The following USP13 variants were observed in gnomAD, a reference collection of about 807,000 sequenced individuals.
The protein encoded by USP13 is ubiquitin specific peptidase 13.
A neutral mutation model predicts 107.8 loss-of-function variants in USP13; 68 were observed. The observed-to-expected ratio is 0.63, with a 90% CI of 0.52 to 0.77. The LOEUF (loss-of-function observed/expected upper bound fraction) is 0.77, where lower values mean the gene tolerates loss of function less well. Among genes scored for constraint, USP13 ranks in the 30% least tolerant of loss-of-function variants. The pLI, the probability that USP13 is intolerant of heterozygous loss-of-function variation, is 0.00. For missense variants in USP13, 945 were observed against 1,093.3 expected (o/e 0.86, Z 1.91); for synonymous variants, 377 against 389.5 (o/e 0.97, Z 0.38).
intron 5 of USP13, among the ~76,000 whole-genome samples, chr3:179,707,351 G>A (rs996666083): frequency 2.0e-5 from 3 of 152,088 alleles, no homozygotes; most frequent in Admixed American, 2.0e-4. Flanking sequence ...GCTGAAGCCA[G>A]TTATGCCAGT....
chr3:179,716,263 T>C (rs1245918069), intron 6 of USP13, among the ~76,000 whole-genome samples: 1 of 152,146 alleles, frequency 6.6e-6, no homozygotes, highest in African/African-American at 2.4e-5. Context: ...AGGTACATCC[T>C]TACCTCTCTC....
At chr3:179,726,001 T>C (rs962569168) in intron 8 of USP13, among the ~76,000 whole-genome samples, 1 of 152,146 alleles carries the variant, frequency 6.6e-6, no homozygotes, top group African/African-American at 2.4e-5. Context: ...AAGATGAGAT[T>C]TGGGTGGGGA....
At chr3:179,676,200 C>T (rs970468271) in intron 1 of USP13, among the ~76,000 whole-genome samples, 1 of 152,194 alleles carries the variant, frequency 6.6e-6, no homozygotes, top group African/African-American at 2.4e-5. Flanking sequence ...GAGGCCTTCC[C>T]AGCCATGCGG....
Position 179,691,261 on chromosome 3 carries a change from G to A in USP13, c.355+960G>A, listed in dbSNP as rs1020514837. 6.0e-5 allele frequency among the ~76,000 whole-genome samples: 9 copies of A among 151,232 alleles called. No homozygotes were observed. The East Asian group carries it at 7.7e-4, about 13-fold the overall frequency. On this transcript the variant is annotated intron_variant, in intron 3 of 20. Transcript: ENST00000263966. ...ATTCAGATTTCATAATTTTTCTCCC[G>A]CTCATGTCCTTTCTTTGTTACAAGA...
At chr3:179,762,803 A>G (rs1429867733) in intron 17 of USP13, among the ~76,000 whole-genome samples, 2 of 152,186 alleles carry the variant, frequency 1.3e-5, no homozygotes, top group Non-Finnish European at 2.9e-5. Context: ...TTTAATTTTG[A>G]GGAACGACCA....
chr3:179,686,320 A>G (rs193139147), intron 2 of USP13, among the ~76,000 whole-genome samples: 2 of 152,304 alleles, frequency 1.3e-5, no homozygotes, highest in Admixed American at 6.5e-5. Flanking sequence ...AGTGGCTCAC[A>G]CCTGTCATCC....
At chr3:179,664,252 C>G (rs182567329) in intron 1 of USP13, among the ~76,000 whole-genome samples, 1 of 151,678 alleles carries the variant, frequency 6.6e-6, no homozygotes, top group Non-Finnish European at 1.5e-5. Flanking sequence ...CCACCATGCC[C>G]GGATATTTTT....
chr3:179,701,197 A>ATG (rs1250344423), intron 4 of USP13, 68 bp downstream of exon 4: 3 of 341,396 alleles, frequency 8.8e-6, no homozygotes, highest in Non-Finnish European at 1.5e-5. Flanking sequence ...TGCGTGTGCG[A>ATG]TGTGTGTGTG....
intron 19 of USP13, among the ~76,000 whole-genome samples, chr3:179,776,391 T>C (rs1289054671): frequency 6.6e-6 from 1 of 152,182 alleles, no homozygotes; most frequent in Non-Finnish European, 1.5e-5. Flanking sequence ...CCACCTCTTT[T>C]ACCTTCCAAG....
At chr3:179,654,448 G>T (rs1720192436) in intron 1 of USP13, among the ~76,000 whole-genome samples, 2 of 152,148 alleles carry the variant, frequency 1.3e-5, no homozygotes, top group African/African-American at 2.4e-5. Flanking sequence ...CACCCGGGGC[G>T]GTTGGTGGTG....
In USP13 at chr3:179,752,379, TATC is replaced by T. The variant is rs1232649395; in HGVS notation, c.1798+7_1798+9del. On this transcript the variant is annotated splice_region_variant and intron_variant, in intron 14 of 20. Transcript: ENST00000263966. ...CTGGGTTCCCAAAAAATTTGGTAGG[TATC>T]TTTTGCGTGCTTTTGCTTAAAACAT... The T allele has an allele frequency of 1.2e-6, 2 of 1,609,158 alleles. No homozygotes were observed. The highest frequency in any genetic ancestry group is 2.7e-5 in the African/African-American group (2 of 74,818).
intron 1 of USP13, among the ~76,000 whole-genome samples, chr3:179,677,674 T>C (rs757258545): frequency 6.6e-6 from 1 of 152,238 alleles, no homozygotes; most frequent in Admixed American, 6.5e-5. Flanking sequence ...CTATGATTAC[T>C]TAAGAAACTA....
At chr3:179,709,155 G>A (rs868210021) in intron 6 of USP13, among the ~76,000 whole-genome samples, 198 bp downstream of exon 6, 1 of 152,200 alleles carries the variant, frequency 6.6e-6, no homozygotes. Flanking sequence ...CTCATCTTGA[G>A]GATAACGATG....
chr3:179,676,475 A>G (rs148986389), intron 1 of USP13, among the ~76,000 whole-genome samples: 69 of 152,312 alleles, frequency 4.5e-4, no homozygotes, highest in African/African-American at 1.6e-3. Context: ...CTGTGAGTCA[A>G]GAAGCTTAGC....
At chr3:179,748,350 T>C (rs145723600) in intron 13 of USP13, among the ~76,000 whole-genome samples, 108 of 152,344 alleles carry the variant, frequency 7.1e-4, no homozygotes, top group African/African-American at 2.4e-3. Flanking sequence ...AATATTAGTT[T>C]TGAGAAAACC....
chr3:179,716,303 G>A (rs1713112173), intron 6 of USP13, among the ~76,000 whole-genome samples: 1 of 152,162 alleles, frequency 6.6e-6, no homozygotes, highest in Non-Finnish European at 1.5e-5. Context: ...GGGGAATCTG[G>A]AGGGAGAATT....
intron 3 of USP13, among the ~76,000 whole-genome samples, chr3:179,699,747 T>TTTATTTA (rs375589534): frequency 0.015 from 2,116 of 138,018 alleles, 27 homozygotes; most frequent in Non-Finnish European, 0.021. Flanking sequence ...ATCTTATTTA[T>TTTATTTA]TTTATTTATT....
intron 10 of USP13, among the ~76,000 whole-genome samples, chr3:179,738,383 A>G (rs1714066467): frequency 6.6e-6 from 1 of 152,210 alleles, no homozygotes; most frequent in African/African-American, 2.4e-5. Context: ...TGTTTTTGCT[A>G]CAGACAGCCT....
At position 179,653,209 on chromosome 3, in the gene USP13, C is replaced by A. The variant is rs772123563; in HGVS notation, c.-17C>A. ...GGCTCCGGCTCGGCTCGCTCGGCTC[C>A]GGTGCGCGCCGAGGCCATGCAGCGC... On this transcript the variant is annotated 5_prime_UTR_variant, in exon 1 of 21. Transcript: ENST00000263966. The surrounding 1 kb of genome is among the most constrained non-coding windows in gnomAD (Gnocchi z 4.0). The A allele has an allele frequency of 6.7e-7, 1 of 1,483,332 alleles. No homozygotes were observed. Among genetic ancestry groups the A allele is most frequent in the Admixed American group, 2.2e-5 (1 of 46,040 alleles). 91.9% of individuals were successfully genotyped at this position (1,483,332 alleles called of 1,614,324 possible).
Sources: allele counts gnomAD v4.1 joint callset (sites outside exome capture counted in the v4.1 genomes callset), GRCh38; gene constraint gnomAD v4.1.1; non-coding constraint Gnocchi (gnomAD v3.1); transcripts MANE v1.5; gene names NCBI Gene and HGNC (gene_info 2026-07-23, HGNC 2026-07-21).